MICU3: variants seen among roughly 807,000 people sequenced by gnomAD.
MICU3 encodes mitochondrial calcium uptake 3.
In MICU3, 62 loss-of-function variants were observed where a neutral mutation model predicts 66.5. That is an observed-to-expected ratio of 0.93 (90% confidence interval 0.76 to 1.15). MICU3 has a LOEUF of 1.15. Among genes scored for constraint, MICU3 ranks in the 50% most tolerant of loss-of-function variants. MICU3 has a pLI of 0.00. For synonymous variants in MICU3, 308 were observed against 240.7 expected (o/e 1.28, Z -2.59); for missense variants, 779 against 664.4 (o/e 1.17, Z -1.90).
chr8:17,074,122 G>A (rs1238067469), intron 3 of MICU3, among the ~76,000 whole-genome samples: 4 of 150,892 alleles, frequency 2.7e-5, no homozygotes, highest in Admixed American at 2.0e-4. Context: ...TCCTGACCTC[G>A]TGATCCGCCC....
chr8:17,120,273 A>T lies in MICU3; in HGVS notation c.*1-15A>T, dbSNP rs957018908. ...AAATAAATATTGCTTTTGTGTTATT[A>T]TTTTTTTTAATTAGATACTCCTAAA... On this transcript the variant is annotated splice_polypyrimidine_tract_variant and intron_variant, in intron 14 of 14. Transcript: ENST00000318063. 1 of 151,802 alleles carries T rather than the reference A, an allele frequency of 6.6e-6. No individual in the cohort carries two copies. The highest frequency in any genetic ancestry group is 1.5e-5 in the Non-Finnish European group (1 of 67,912). The allele number at this position is 151,802 out of a possible 1,614,324, so 9.4% of individuals were successfully genotyped here.
At chr8:17,112,714 T>C (rs532698270) in intron 11 of MICU3, among the ~76,000 whole-genome samples, 29 of 152,346 alleles carry the variant, frequency 1.9e-4, no homozygotes, top group South Asian at 1.2e-3. Context: ...CCCCAATATA[T>C]TGATATTTTT....
At chr8:17,043,800 T>G (rs1404259749) in intron 1 of MICU3, among the ~76,000 whole-genome samples, 1 of 152,228 alleles carries the variant, frequency 6.6e-6, no homozygotes, top group Non-Finnish European at 1.5e-5. Context: ...AAGTCTTTTA[T>G]AATATGAACT....
chr8:17,125,604 C>G (rs146170428), downstream of MICU3, among the ~76,000 whole-genome samples: 1,298 of 152,170 alleles, frequency 8.5e-3, 23 homozygotes, highest in African/African-American at 0.029. Flanking sequence ...TTTGGCTGGC[C>G]AGATTTCGCC....
the MICU3 span, among the ~76,000 whole-genome samples, chr8:17,134,435 G>GTTTC: frequency 3.6e-5 from 5 of 137,160 alleles, no homozygotes; most frequent in African/African-American, 1.4e-4. Context: ...TCAGCCTTTT[G>GTTTC]TTTGTTTGTT....
intron 2 of MICU3, among the ~76,000 whole-genome samples, chr8:17,065,445 A>G (rs1380621624): frequency 6.6e-6 from 1 of 152,216 alleles, no homozygotes; most frequent in African/African-American, 2.4e-5. Context: ...GAAATTGCCT[A>G]GGGAAGCTGT....
intron 1 of MICU3, among the ~76,000 whole-genome samples, chr8:17,032,200 G>A (rs1451571090): frequency 1.3e-5 from 2 of 152,188 alleles, no homozygotes; most frequent in Non-Finnish European, 2.9e-5. Context: ...ATCAGATCAC[G>A]TGGCACTGTA....
chr8:17,097,671 C>G (rs1469592468), intron 8 of MICU3, among the ~76,000 whole-genome samples: 2 of 151,708 alleles, frequency 1.3e-5, no homozygotes, highest in Non-Finnish European at 2.9e-5. Flanking sequence ...CAAAAGACCA[C>G]CTGAGAACCT....
Position 17,045,776 on chromosome 8 carries a change from G to A in MICU3, c.381+18116G>A, listed in dbSNP as rs1300702577. ...TTCCACAATCATGGCAGAAGGCAAAGGAGAAGCAAAGTCACATCTTACATG... is the reference window on the plus strand; with the variant it reads ...TTCCACAATCATGGCAGAAGGCAAAAGAGAAGCAAAGTCACATCTTACATG... On this transcript the variant is annotated intron_variant, in intron 1 of 14. Transcript: ENST00000318063. Among the ~76,000 whole-genome samples, 9 of 152,336 alleles carry A rather than the reference G, an allele frequency of 5.9e-5. No individual in the cohort carries two copies. The East Asian group carries it at 1.7e-3, about 29-fold the overall frequency.
At chr8:17,137,431 C>T in the MICU3 span, among the ~76,000 whole-genome samples, 1 of 148,672 alleles carries the variant, frequency 6.7e-6, no homozygotes, top group Non-Finnish European at 1.5e-5. Flanking sequence ...CACATAAAAA[C>T]ACTACGACAA....
rs114007815 is a variant in MICU3 at position 17,060,170 on chromosome 8, A to G, written c.382-3914A>G. Among the ~76,000 whole-genome samples, 1,415 of 152,292 alleles carry G rather than the reference A, an allele frequency of 9.3e-3. 26 individuals are homozygous for G. Among genetic ancestry groups the G allele is most frequent in the African/African-American group, 0.032 (1,326 of 41,556 alleles). On this transcript the variant is annotated intron_variant, in intron 1 of 14. Coordinates refer to ENST00000318063, the MANE Select transcript of MICU3 (RefSeq NM_181723.3). ...AACTTAAAAACCAACCCAAGTATTG[A>G]GTTTCTGTTTCACTCTCCATCCTGT...
intron 11 of MICU3, among the ~76,000 whole-genome samples, chr8:17,110,321 T>G (rs2150824072): frequency 6.6e-6 from 1 of 152,274 alleles, no homozygotes; most frequent in South Asian, 2.1e-4. Context: ...TGAGATTTAG[T>G]GAATTCACAA....
At chr8:17,071,976 A>G (rs1819652560) in intron 3 of MICU3, among the ~76,000 whole-genome samples, 1 of 152,142 alleles carries the variant, frequency 6.6e-6, no homozygotes, top group Non-Finnish European at 1.5e-5. Context: ...CTCCAAATCT[A>G]TCTATAAATT....
Position 17,114,149 on chromosome 8 carries a change from C to T in MICU3, c.1314C>T (p.Asp438=), listed in dbSNP as rs141253450. 13 of 1,612,668 alleles carry T rather than the reference C, an allele frequency of 8.1e-6. No homozygotes were observed. In the African/African-American group the frequency reaches 1.7e-4, roughly 22 times the overall value. Residue 438 remains aspartate, a synonymous_variant, in exon 12 of 15, where the codon GAC becomes GAT. Coordinates refer to ENST00000318063, the MANE Select transcript of MICU3 (RefSeq NM_181723.3). ...TCCAGTTTTTAAACAACCTAGAAGA[C>T]TTTGCAATAGCCCTGAATATGTATA... ...SFFQFLNNLE[D]FAIALNMYNF...
chr8:17,065,056 G>C (rs1297679711), intron 2 of MICU3, among the ~76,000 whole-genome samples: 1 of 152,072 alleles, frequency 6.6e-6, no homozygotes, highest in Non-Finnish European at 1.5e-5. Context: ...ATGTCTATTT[G>C]AGATACCTTG....
chr8:17,061,583 A>C (rs1817828936), intron 1 of MICU3, among the ~76,000 whole-genome samples: 2 of 151,692 alleles, frequency 1.3e-5, no homozygotes, highest in South Asian at 4.1e-4. Context: ...AGATCGAGGC[A>C]TGCTTCATTC....
At chr8:17,085,106 A>G (rs2150738098) in intron 5 of MICU3, 130 bp from the exon 6 acceptor site, 1 of 512,268 alleles carries the variant, frequency 2.0e-6, no homozygotes, top group East Asian at 2.9e-5. Context: ...GCAGAAATAT[A>G]TATACTTTTA....
chr8:17,027,587 C>G lies in MICU3; in HGVS notation c.308C>G (p.Ala103Gly). 2.3e-6 allele frequency: 3 copies of G among 1,294,616 alleles called. No individual in the cohort carries two copies. Among genetic ancestry groups the G allele is most frequent in the Non-Finnish European group, 2.9e-6 (3 of 1,024,818 alleles). 80.2% of individuals were successfully genotyped at this position (1,294,616 alleles called of 1,614,324 possible). A position where few individuals can be genotyped will look rare whatever the true frequency, so the allele number is the denominator to read the frequency against. ...GCGACCGGGCGACCCTCAAAGAGCG[C>G]GGCCACGGAGCCCGAGGACCCGCCC... ...SPATGRPSKS[A>G]ATEPEDPPRG... is the part of the protein sequence containing the mutation. Residue 103 changes from alanine to glycine, a missense_variant, in exon 1 of 15, where the codon GCG becomes GGG. By Grantham distance (60) the Ala-to-Gly change is moderately conservative. Transcript: ENST00000318063.
intron 1 of MICU3, among the ~76,000 whole-genome samples, chr8:17,061,339 A>G (rs1817792132): frequency 6.6e-6 from 1 of 152,146 alleles, no homozygotes; most frequent in Non-Finnish European, 1.5e-5. Flanking sequence ...GCTTAAGGAA[A>G]GAAAGTTTGA....
Sources: allele counts gnomAD v4.1 joint callset (sites outside exome capture counted in the v4.1 genomes callset), GRCh38; gene constraint gnomAD v4.1.1; transcripts MANE v1.5; gene names NCBI Gene and HGNC (gene_info 2026-07-23, HGNC 2026-07-21).